MID1: variants seen among roughly 807,000 people sequenced by gnomAD.
MID1 encodes the protein midline 1.
MID1 carries 7 observed loss-of-function variants against 40.4 expected under a neutral mutation model. The ratio of observed to expected loss-of-function variants is 0.17; its 90% CI spans 0.10 to 0.33. The LOEUF is 0.33. Among genes scored for constraint, MID1 ranks in the 10% least tolerant of loss-of-function variants. MID1 has a pLI of 1.00. For missense variants in MID1, 367 were observed against 558.5 expected (o/e 0.66, Z 3.46); for synonymous variants, 229 against 221.2 (o/e 1.04, Z -0.31).
At chrX:10,724,510 T>C (rs1170277681) in intron 1 of MID1, among the ~76,000 whole-genome samples, 2 of 111,996 alleles carry the variant, frequency 1.8e-5, no homozygotes, top group Non-Finnish European at 3.8e-5. Context: ...GATTATAGCA[T>C]ATGCAGCTGA....
At chrX:10,544,674 AATAT>A (rs1435539679) in intron 2 of MID1, among the ~76,000 whole-genome samples, 3 of 112,039 alleles carry the variant, frequency 2.7e-5, no homozygotes, top group Admixed American at 9.5e-5. Context: ...TAACAGTAGA[AATAT>A]ATACAGTATT....
intron 2 of MID1, among the ~76,000 whole-genome samples, chrX:10,528,344 GAT>G (rs1387634053): frequency 8.9e-6 from 1 of 112,033 alleles, no homozygotes; most frequent in Non-Finnish European, 1.9e-5. Context: ...TTTGGAATCT[GAT>G]ATGTTTTACA....
At chrX:10,742,168 C>T (rs926769331) in intron 1 of MID1, among the ~76,000 whole-genome samples, 9 of 110,940 alleles carry the variant, frequency 8.1e-5, no homozygotes, top group African/African-American at 2.6e-4. Context: ...TCTGAAACTC[C>T]AGCACCTACA....
intron 1 of MID1, among the ~76,000 whole-genome samples, chrX:10,642,870 A>G (rs1313722428): frequency 2.7e-5 from 3 of 110,652 alleles, no homozygotes; most frequent in East Asian, 5.7e-4. Context: ...CACATCTACA[A>G]CCATCTGATC....
chrX:10,758,202 T>C (rs1291242852), intron 1 of MID1, among the ~76,000 whole-genome samples: 1 of 107,018 alleles, frequency 9.3e-6, no homozygotes, highest in East Asian at 2.9e-4. Context: ...CTGGAACTCC[T>C]GAGCTCAAGC....
intron 5 of MID1, chrX:10,475,289 A>T (rs1229312898): frequency 3.3e-6 from 1 of 306,815 alleles, no homozygotes; most frequent in Non-Finnish European, 6.3e-6. Flanking sequence ...AAACATTAAA[A>T]AGGGAGTTTT....
intron 1 of MID1, among the ~76,000 whole-genome samples, chrX:10,683,332 G>A (rs2043071231): frequency 9.0e-6 from 1 of 111,360 alleles, no homozygotes; most frequent in Admixed American, 9.6e-5. Flanking sequence ...GATCACTTGA[G>A]GCCAGGAATT....
intron 1 of MID1, among the ~76,000 whole-genome samples, chrX:10,721,942 T>A (rs370238941): frequency 9.0e-6 from 1 of 111,074 alleles, no homozygotes; most frequent in African/African-American, 3.3e-5. Context: ...GACGACCTTC[T>A]TCTGCAGGGT....
intron 7 of MID1, among the ~76,000 whole-genome samples, chrX:10,467,650 T>C (rs911957245): frequency 8.9e-6 from 1 of 111,857 alleles, no homozygotes; most frequent in African/African-American, 3.2e-5. Context: ...CTTCTAGTTA[T>C]ACCTCTGATT....
At position 10,507,934 on chromosome X, in the gene MID1, C is replaced by T. The variant is rs141452099; in HGVS notation, c.757-12243G>A. 7.5e-3 allele frequency among the ~76,000 whole-genome samples: 837 copies of T among 112,006 alleles called. 11 individuals carry two copies. Among genetic ancestry groups the T allele is most frequent in the African/African-American group, 0.025 (765 of 30,855 alleles). ...TCTCTCCATTTAAAGTATAGGTGAC[C>T]AAAGTTTCCGGTTTCCAGAGATCTT... is the stretch of plus-strand genomic sequence containing the variant. On this transcript the variant is annotated intron_variant, in intron 3 of 9. Coordinates refer to ENST00000317552, the MANE Select transcript of MID1 (RefSeq NM_000381.4).
chrX:10,523,193 C>CAAA lies in MID1; in HGVS notation c.661-9_661-7dup, dbSNP rs375668839. 315 of 785,371 alleles carry CAAA rather than the reference C, an allele frequency of 4.0e-4. No individual in the cohort carries two copies. The African/African-American group carries it at 5.2e-3, about 13-fold the overall frequency. The allele number at this position is 785,371 out of a possible 1,213,427, so 64.7% of individuals were successfully genotyped here. A position where few individuals can be genotyped will look rare whatever the true frequency, so the allele number is the denominator to read the frequency against. Reference sequence around the variant, plus strand: ...AGGTTACTCTCTAAGTTTTGCTGTTCAAAAAAAAAAAAAAAAGAGGAAAAA... The same window carrying CAAA: ...AGGTTACTCTCTAAGTTTTGCTGTTCAAAAAAAAAAAAAAAAAAAGAGGAAAAA... On this transcript the variant is annotated splice_region_variant and splice_polypyrimidine_tract_variant and intron_variant, in intron 2 of 9. Coordinates refer to ENST00000317552, the MANE Select transcript of MID1 (RefSeq NM_000381.4).
intron 6 of MID1, among the ~76,000 whole-genome samples, chrX:10,473,073 A>T (rs1453401753): frequency 1.8e-5 from 2 of 113,050 alleles, no homozygotes. Context: ...TACAATAGCC[A>T]CGAGCTACAT....
chrX:10,615,854 T>C (rs754756717), intron 1 of MID1, among the ~76,000 whole-genome samples: 5 of 112,674 alleles, frequency 4.4e-5, no homozygotes, highest in Non-Finnish European at 9.4e-5. Context: ...GAATTGATAA[T>C]GAGCCAGAAT....
intron 1 of MID1, among the ~76,000 whole-genome samples, chrX:10,733,679 T>A (rs1296981792): frequency 1.8e-5 from 2 of 111,650 alleles, no homozygotes; most frequent in Non-Finnish European, 3.8e-5. Flanking sequence ...GAACAGAAAC[T>A]TCTTAATGGA....
intron 1 of MID1, among the ~76,000 whole-genome samples, chrX:10,739,245 T>G (rs764158352): frequency 7.2e-5 from 8 of 111,686 alleles, no homozygotes; most frequent in Non-Finnish European, 1.3e-4. Flanking sequence ...ATGCTGTTCC[T>G]GTGTGTGTCC....
intron 4 of MID1, among the ~76,000 whole-genome samples, chrX:10,486,523 T>G (rs1930625435): frequency 9.0e-6 from 1 of 111,549 alleles, no homozygotes; most frequent in Non-Finnish European, 1.9e-5. Context: ...CCCTTCCTCT[T>G]AAAAACAGGC....
At chrX:10,617,155 G>A (rs1935852408) in intron 1 of MID1, among the ~76,000 whole-genome samples, 1 of 111,999 alleles carries the variant, frequency 8.9e-6, no homozygotes, top group Non-Finnish European at 1.9e-5. Flanking sequence ...TAGTCTTTCT[G>A]GGTGGGTGAG....
intron 1 of MID1, among the ~76,000 whole-genome samples, chrX:10,633,618 A>G (rs375123732): frequency 9.1e-6 from 1 of 109,951 alleles, no homozygotes; most frequent in African/African-American, 3.3e-5. Flanking sequence ...TGCCTGGCTA[A>G]TTTTTAAATT....
chrX:10,469,901 A>G, intron 6 of MID1, 61 bp from the exon 7 acceptor site: 1 of 1,111,540 alleles, frequency 9.0e-7, no homozygotes, highest in Non-Finnish European at 1.2e-6. Flanking sequence ...ACCATTTCAG[A>G]GGAGATGTTT....
Sources: allele counts gnomAD v4.1 joint callset (sites outside exome capture counted in the v4.1 genomes callset), GRCh38; gene constraint gnomAD v4.1.1; transcripts MANE v1.5; gene names NCBI Gene and HGNC (gene_info 2026-07-23, HGNC 2026-07-21).